STAG3: variants seen among roughly 807,000 people sequenced by gnomAD.
STAG3 encodes the protein STAG3 cohesin complex component, also known as cohesin subunit SA-3.
A neutral mutation model predicts 160.7 loss-of-function variants in STAG3; 101 were observed. That is an observed-to-expected ratio of 0.63 (90% confidence interval 0.54 to 0.74). STAG3 has a LOEUF of 0.74. Among genes scored for constraint, STAG3 ranks in the 30% least tolerant of loss-of-function variants. The pLI is 0.00. For synonymous variants in STAG3, 519 were observed against 585.0 expected, an observed-to-expected ratio of 0.89 and a Z score of 1.63; for missense variants, 1,188 against 1,517.4, an observed-to-expected ratio of 0.78 and a Z score of 3.61.
rs551734049 is a variant in STAG3 at position 100,199,112 on chromosome 7, A to G, written c.1468-150A>G. The stretch of plus-strand genomic sequence containing the variant: ...TGAGACCAGCCTGGGCAACACAGTG[A>G]GACCCTGTCTCTATCGAAAAAAAAA... On this transcript the variant is annotated intron_variant, in intron 14 of 33. Coordinates refer to ENST00000615138, the MANE Select transcript of STAG3 (RefSeq NM_001282717.2). 156 of 874,904 alleles carry G rather than the reference A, an allele frequency of 1.8e-4. 1 individual carries two copies. The South Asian group carries it at 2.1e-3, about 12-fold the overall frequency. The allele number at this position is 874,904 out of a possible 1,614,324, so 54.2% of individuals were successfully genotyped here.
rs372735751 is a variant in STAG3 at position 100,189,602 on chromosome 7, G to A, written c.867+6G>A. On this transcript the variant is annotated splice_donor_region_variant and intron_variant, in intron 8 of 33. Coordinates refer to ENST00000615138, the MANE Select transcript of STAG3 (RefSeq NM_001282717.2). ...TGTTGGAGAAACGCAAAGAGGTGAG[G>A]AGTGTTCCCTGCTTCTTCCTTCCCT... is the stretch of plus-strand genomic sequence containing the variant. The A allele has an allele frequency of 1.1e-5, 17 of 1,606,518 alleles. No homozygotes were observed. In the African/African-American group the frequency reaches 2.0e-4, roughly 19 times the overall value.
At position 100,213,582 on chromosome 7, in the gene STAG3, G is replaced by A. The variant is rs1016456715; in HGVS notation, c.3601-153G>A. ...CGCTCTGCAGTCAGGCCTGATCCTG[G>A]TGCCCACACTGACTTCCCTCCCAGG... On this transcript the variant is annotated intron_variant, in intron 32 of 33. Coordinates refer to ENST00000615138, the MANE Select transcript of STAG3 (RefSeq NM_001282717.2). 11 of 985,256 alleles carry A rather than the reference G, an allele frequency of 1.1e-5. No individual in the cohort carries two copies. In the African/African-American group the frequency reaches 1.2e-4, roughly 11 times the overall value. 61.0% of individuals were successfully genotyped at this position (985,256 alleles called of 1,614,324 possible).
chr7:100,204,365 G>C (rs537243219), intron 26 of STAG3, among the ~76,000 whole-genome samples: 2 of 152,250 alleles, frequency 1.3e-5, no homozygotes, highest in South Asian at 4.1e-4. Context: ...AAGTGATAGG[G>C]AGTTCCTAAT....
rs187538572 is a variant in STAG3 at position 100,182,275 on chromosome 7, C to G, written c.219+83C>G. On this transcript the variant is annotated intron_variant, in intron 3 of 33. Transcript: ENST00000615138. ...TTGGGAGGCTGAGGCAGGAGAATGG[C>G]GTGAACCCAGGGGGCAGAGCTTGCA... is the stretch of plus-strand genomic sequence containing the variant. 11,255 of 1,014,294 alleles carry G rather than the reference C, an allele frequency of 0.011. 121 individuals carry two copies. The highest frequency in any genetic ancestry group is 0.015 in the South Asian group (1,114 of 73,940). 62.8% of individuals were successfully genotyped at this position (1,014,294 alleles called of 1,614,324 possible). A position where few individuals can be genotyped will look rare whatever the true frequency, so the allele number is the denominator to read the frequency against.
Position 100,202,597 on chromosome 7 carries a change from C to T in STAG3, c.2700+7C>T, listed in dbSNP as rs770134531. ...TTTCAAACACTACAACAAGGTACAC[C>T]AAGGCCCTACAGAAATAAAAGAGAA... On this transcript the variant is annotated splice_region_variant and intron_variant, in intron 25 of 33. Coordinates refer to ENST00000615138, the MANE Select transcript of STAG3 (RefSeq NM_001282717.2). 6.2e-7 allele frequency: 1 copy of T among 1,610,480 alleles called. No homozygotes were observed. Among genetic ancestry groups the T allele is most frequent in the Non-Finnish European group, 8.5e-7 (1 of 1,178,484 alleles).
intron 10 of STAG3, 109 bp downstream of exon 10, chr7:100,197,388 G>A: frequency 6.8e-7 from 1 of 1,480,458 alleles, no homozygotes; most frequent in Non-Finnish European, 9.4e-7. Flanking sequence ...AGTGACCAAT[G>A]ATGAACCCAT....
chr7:100,200,765 T>G lies in STAG3; in HGVS notation c.1861-4T>G. 1 of 1,613,958 alleles carries G rather than the reference T, an allele frequency of 6.2e-7. No homozygotes were observed. Among genetic ancestry groups the G allele is most frequent in the Non-Finnish European group, 8.5e-7 (1 of 1,179,942 alleles). On this transcript the variant is annotated splice_region_variant and splice_polypyrimidine_tract_variant and intron_variant, in intron 18 of 33. Coordinates refer to ENST00000615138, the MANE Select transcript of STAG3 (RefSeq NM_001282717.2). ...GCACACCATCTTCTGCCTTTTCTTC[T>G]CAGCACCTGGAGCTGTTCCTGCAGC...
chr7:100,184,568 C>T (rs1404816372), intron 4 of STAG3, among the ~76,000 whole-genome samples: 11 of 133,510 alleles, frequency 8.2e-5, no homozygotes, highest in Admixed American at 1.6e-4. Context: ...CCCGGGTTCA[C>T]ATGATTCTCC....
intron 4 of STAG3, among the ~76,000 whole-genome samples, chr7:100,185,811 T>C (rs181328920): frequency 6.6e-6 from 1 of 152,296 alleles, no homozygotes; most frequent in Admixed American, 6.5e-5. Context: ...AGGTTTAGTG[T>C]TCAATCTGAC....
intron 5 of STAG3, among the ~76,000 whole-genome samples, chr7:100,187,020 T>C (rs1800045916): frequency 6.6e-6 from 1 of 152,046 alleles, no homozygotes; most frequent in African/African-American, 2.4e-5. Flanking sequence ...TTTATTGCTG[T>C]CTTTGTTTTG....
At chr7:100,202,696 G>A in intron 25 of STAG3, 106 bp downstream of exon 25, 1 of 1,432,770 alleles carries the variant, frequency 7.0e-7, no homozygotes, top group Non-Finnish European at 9.3e-7. Flanking sequence ...ATGGTTTCAA[G>A]CTTAAAGGAG....
At chr7:100,217,360 C>G (rs1411857585), downstream of STAG3, among the ~76,000 whole-genome samples, 1 of 152,204 alleles carries the variant, frequency 6.6e-6, no homozygotes, top group Non-Finnish European at 1.5e-5. Context: ...CCAGGCTGGA[C>G]GAGCTGAGGC....
intron 32 of STAG3, 84 bp from the exon 33 acceptor site, chr7:100,213,651 G>A: frequency 6.2e-6 from 10 of 1,603,758 alleles, no homozygotes; most frequent in Non-Finnish European, 8.5e-6. Flanking sequence ...TTCTTATGAG[G>A]CTGGGAAAGG....
At chr7:100,183,579 A>G (rs975569152) in intron 4 of STAG3, among the ~76,000 whole-genome samples, 8 of 152,264 alleles carry the variant, frequency 5.3e-5, no homozygotes, top group African/African-American at 1.4e-4. Context: ...TAAAAATGAA[A>G]TGATTACTCA....
intron 8 of STAG3, among the ~76,000 whole-genome samples, chr7:100,193,691 C>G (rs914792286): frequency 1.3e-5 from 2 of 152,188 alleles, no homozygotes; most frequent in African/African-American, 4.8e-5. Context: ...ACAGCTAGGA[C>G]ATTGATCTGG....
intron 32 of STAG3, chr7:100,213,222 A>T: frequency 1.2e-6 from 1 of 825,626 alleles, no homozygotes; most frequent in Non-Finnish European, 1.5e-6. Context: ...TGACCCAATC[A>T]CCTCCCAAAG....
chr7:100,198,346 T>A (rs1800831905), intron 12 of STAG3, 129 bp from the exon 13 acceptor site: 1 of 1,173,934 alleles, frequency 8.5e-7, no homozygotes, highest in African/African-American at 1.5e-5. Flanking sequence ...TCCTTTGTCT[T>A]CCGCTCTTCA....
At chr7:100,184,034 G>A (rs1423035120) in intron 4 of STAG3, among the ~76,000 whole-genome samples, 4 of 152,218 alleles carry the variant, frequency 2.6e-5, no homozygotes, top group Non-Finnish European at 4.4e-5. Context: ...GGGAGGCTGA[G>A]GCGGGCAGAT....
rs1308562497 is a variant in STAG3 at position 100,205,342 on chromosome 7, AG to A, written c.3197del (p.Ser1066ThrfsTer34). The A allele has an allele frequency of 1.2e-6, 2 of 1,614,060 alleles. No individual in the cohort carries two copies. Among genetic ancestry groups the A allele is most frequent in the East Asian group, 4.5e-5 (2 of 44,882 alleles). ...CCCTGTGGAGAACACAGCAGAGACC[AG>A]CCCTCAGGTCCTCCCCAGCTCCAAG... Reference protein sequence around the residue: ...LSPVENTAETSPQVLPSSKRR... With the variant: ...LSPVENTAETXPQVLPSSKRR... On this transcript the variant is annotated frameshift_variant, in exon 29 of 34. Transcript: ENST00000615138. LOFTEE classifies it high-confidence loss of function.
Sources: gnomAD v4.1 joint callset for allele counts (sites outside exome capture counted in the v4.1 genomes callset) on GRCh38, gnomAD v4.1.1 for gene constraint, MANE v1.5 for transcripts, NCBI Gene and HGNC (gene_info 2026-07-23, HGNC 2026-07-21) for gene names.